The following TASOR2 variants were observed in gnomAD, a reference collection of about 807,000 sequenced individuals.
TASOR2 encodes the protein transcription activation suppressor family member 2, also known as protein TASOR 2.
TASOR2 carries 84 observed loss-of-function variants against 199.5 expected under a neutral mutation model. The ratio of observed to expected loss-of-function variants is 0.42; its 90% confidence interval spans 0.35 to 0.50. The LOEUF is 0.50. Among genes scored for constraint, TASOR2 ranks in the 20% least tolerant of loss-of-function variants. The pLI is 0.02. For synonymous variants in TASOR2, 1,103 were observed against 1,046.6 expected (o/e 1.05, Z -1.04); for missense variants, 2,796 against 2,835.9 (o/e 0.99, Z 0.32).
At chr10:5,746,525 T>G (rs1398489730) in exon 15 of TASOR2, 3 of 1,613,936 alleles carry the variant, frequency 1.9e-6, no homozygotes, top group Non-Finnish European at 2.5e-6. Context: ...CACCCTTCCT[T>G]GGAAAGAAAG....
exon 15 of TASOR2, chr10:5,747,325 G>C (rs1837356859): frequency 6.2e-7 from 1 of 1,614,110 alleles, no homozygotes; most frequent in Non-Finnish European, 8.5e-7. Context: ...GCCAGCTGGT[G>C]AAATAGAGCA....
In TASOR2 at chr10:5,737,743, C is replaced by A. The variant is rs1835831912; in HGVS notation, c.1448-1875C>A. 6.6e-6 allele frequency among the ~76,000 whole-genome samples: 1 copy of A among 152,158 alleles called. No individual in the cohort carries two copies. The highest frequency in any genetic ancestry group is 2.4e-5 in the African/African-American group (1 of 41,432). ...TTGTAAACATGAGAATAGGTAACAT[C>A]TTGTGTTCCTAGCAGTGTCATTTGC... is the stretch of plus-strand genomic sequence containing the variant. On this transcript the variant is annotated intron_variant, in intron 12 of 20. Coordinates refer to ENST00000328090, the Ensembl canonical transcript of TASOR2. The surrounding 1 kb of genome is among the most constrained non-coding windows in gnomAD (Gnocchi z 4.9).
intron 1 of TASOR2, among the ~76,000 whole-genome samples, chr10:5,704,580 TA>T (rs2131529254): frequency 6.6e-6 from 1 of 152,284 alleles, no homozygotes; most frequent in African/African-American, 2.4e-5. Context: ...TTTTTTCAGC[TA>T]TTTTTTCTTC....
At chr10:5,757,775 A>C (rs567117032) in intron 17 of TASOR2, 102 bp downstream of exon 18, 2 of 1,287,792 alleles carry the variant, frequency 1.6e-6, no homozygotes, top group African/African-American at 1.5e-5. Flanking sequence ...AACTCTAAGG[A>C]ATATCAGTTG....
rs11816374 is a variant in TASOR2 at position 5,698,483 on chromosome 10, C to T, written c.-288+13308C>T. Among the ~76,000 whole-genome samples, 9 of 152,074 alleles carry T rather than the reference C, an allele frequency of 5.9e-5. No homozygotes were observed. Among genetic ancestry groups the T allele is most frequent in the African/African-American group, 1.7e-4 (7 of 41,396 alleles). On this transcript the variant is annotated intron_variant, in intron 1 of 20. Transcript: ENST00000328090. This position sits in a 1 kb window ranked among gnomAD's most constrained non-coding sequence, Gnocchi z 4.4. Reference sequence around the variant, plus strand: ...GAGAAAAACCACAATTTTCTACAGACGATATTTTTCAAAACAATATTAGCA... The same window carrying T: ...GAGAAAAACCACAATTTTCTACAGATGATATTTTTCAAAACAATATTAGCA...
intron 11 of TASOR2, among the ~76,000 whole-genome samples, chr10:5,732,961 G>C (rs1206433096): frequency 6.6e-6 from 1 of 152,118 alleles, no homozygotes; most frequent in Non-Finnish European, 1.5e-5. Context: ...CAGTGCACCA[G>C]ACTATACAAC....
Position 5,748,880 on chromosome 10 carries a change from C to G in TASOR2, c.5459C>G (p.Ser1820Cys), listed in dbSNP as rs1837587935. 1 of 1,614,010 alleles carries G rather than the reference C, an allele frequency of 6.2e-7. No homozygotes were observed. Among genetic ancestry groups the G allele is most frequent in the South Asian group, 1.1e-5 (1 of 91,080 alleles). The stretch of plus-strand genomic sequence containing the variant: ...AGAGATGGAGAGGTCGGTGTGAATT[C>G]CGACATGCACTATGAACTCTCTGGA... The change falls in exon 15 of 21, where the codon TCC (serine) becomes TGC (cysteine). Residue 1820 changes from serine to cysteine, a missense_variant. By Grantham distance (112) the Ser-to-Cys change is moderately radical. This residue lies in a region of TASOR2 where 1,941 missense variants were observed against 1,924.9 expected (regional missense o/e 1.01). Coordinates refer to ENST00000328090, the Ensembl canonical transcript of TASOR2. This position sits in a 1 kb window ranked among gnomAD's most constrained non-coding sequence, Gnocchi z 5.1.
At chr10:5,723,546 C>T in intron 6 of TASOR2, 131 bp from the exon 8 acceptor site, 1 of 477,108 alleles carries the variant, frequency 2.1e-6, no homozygotes, top group Admixed American at 3.6e-5. Context: ...ATTATTTAAC[C>T]TGGAGCTTAT....
chr10:5,761,593 G>C, intron 19 of TASOR2, 122 bp downstream of exon 20: 2 of 793,912 alleles, frequency 2.5e-6, no homozygotes, highest in South Asian at 3.4e-5. Context: ...ATGGATACCA[G>C]AATCACCCAA....
Position 5,720,969 on chromosome 10 carries a change from C to A in TASOR2, c.145C>A (p.Leu49Ile). 1 of 1,605,666 alleles carries A rather than the reference C, an allele frequency of 6.2e-7. No homozygotes were observed. The highest frequency in any genetic ancestry group is 8.5e-7 in the Non-Finnish European group (1 of 1,175,722). ...TTACGGTGCAATGATTCCAACACAGCTGTAAGTATTAAATGTTATGTCCTT... is the reference window on the plus strand; with the variant it reads ...TTACGGTGCAATGATTCCAACACAGATGTAAGTATTAAATGTTATGTCCTT... The change falls in exon 6 of 21, where the codon CTA becomes ATA. Residue 49 changes from leucine (L) to isoleucine (I), a missense_variant and splice_region_variant. Physicochemically the swap from Leu to Ile is conservative, Grantham distance 5 (BLOSUM62 2). This residue lies in a region of TASOR2 where 847 missense variants were observed against 887.4 expected (regional missense o/e 0.95). Coordinates refer to ENST00000328090, the Ensembl canonical transcript of TASOR2. This position sits in a 1 kb window ranked among gnomAD's most constrained non-coding sequence, Gnocchi z 5.3.
rs1351587331 is a variant in TASOR2, at chr10:5,748,595, G to A, written c.5174G>A (p.Gly1725Asp). ...TCCAACACCACATCTTCTCTAAAAG[G>A]TGAACGCAAAGCCATCCACACGCTG... The change falls in exon 15 of 21, where the codon GGT (glycine) becomes GAT (aspartate). Residue 1725 changes from glycine (G) to aspartate (D), a missense_variant. By Grantham distance (94) the Gly-to-Asp change is moderately conservative. Around this residue, in one of 3 missense-constraint regions of TASOR2, gnomAD observed 1,941 missense variants for 1,924.9 expected, o/e 1.01. Coordinates refer to ENST00000328090, the Ensembl canonical transcript of TASOR2. The surrounding 1 kb of genome is among the most constrained non-coding windows in gnomAD (Gnocchi z 5.1). 2.5e-6 allele frequency: 4 copies of A among 1,613,698 alleles called. No individual in the cohort carries two copies. Among genetic ancestry groups the A allele is most frequent in the Non-Finnish European group, 3.4e-6 (4 of 1,180,030 alleles).
chr10:5,762,774 GTT>G, intron 20 of TASOR2, 128 bp downstream of exon 21: 1 of 683,648 alleles, frequency 1.5e-6, no homozygotes, highest in East Asian at 2.8e-5. Context: ...AATTTAAAGT[GTT>G]TGTTTAGGGG....
In TASOR2 at chr10:5,755,573, C is replaced by CA. The variant is rs1027097071; in HGVS notation, c.6607-1030dup. On this transcript the variant is annotated intron_variant, in intron 15 of 20. Transcript: ENST00000328090. ...TGGGTGACAGAGTAAGACAACATCT[C>CA]AAAAAAAAAAGATCCAAGGGAAACA... 9.2e-4 allele frequency among the ~76,000 whole-genome samples: 131 copies of CA among 142,984 alleles called. 3 individuals are homozygous for CA. The East Asian group carries it at 0.014, about 15-fold the overall frequency. The allele number at this position is 142,984 out of a possible 152,430, so 93.8% of individuals were successfully genotyped here.
intron 1 of TASOR2, among the ~76,000 whole-genome samples, chr10:5,686,160 G>A (rs758894862): frequency 3.9e-5 from 6 of 152,178 alleles, no homozygotes; most frequent in Non-Finnish European, 5.9e-5. Flanking sequence ...AGCCAGGCCA[G>A]AAAAAGGGTG....
In TASOR2 at chr10:5,730,473, T is replaced by G; in HGVS notation, c.488-14T>G. The G allele has an allele frequency of 6.5e-7, 1 of 1,537,022 alleles. No individual in the cohort carries two copies. Among genetic ancestry groups the G allele is most frequent in the Non-Finnish European group, 8.8e-7 (1 of 1,139,650 alleles). The stretch of plus-strand genomic sequence containing the variant: ...ATAAACTTCAGATGTTTAATACGTG[T>G]GTATATATTCTAGGGGTGAAAGATT... On this transcript the variant is annotated splice_polypyrimidine_tract_variant and intron_variant, in intron 10 of 20. Transcript: ENST00000328090. The surrounding 1 kb of genome is among the most constrained non-coding windows in gnomAD (Gnocchi z 4.1).
At position 5,748,479 on chromosome 10, in the gene TASOR2, A is replaced by G. The variant is rs765048359; in HGVS notation, c.5058A>G (p.Pro1686=). 5 of 1,614,152 alleles carry G rather than the reference A, an allele frequency of 3.1e-6. No individual in the cohort carries two copies. Among genetic ancestry groups the G allele is most frequent in the East Asian group, 2.2e-5 (1 of 44,892 alleles). ...CAGTGTTTCAAGCACAGGAAATACC[A>G]GCAGGCAGAATGGCCAGTTTGCTTA... The change falls in exon 15 of 21, where the codon CCA becomes CCG. Residue 1686 remains proline, a synonymous_variant. Transcript: ENST00000328090. The surrounding 1 kb of genome is among the most constrained non-coding windows in gnomAD (Gnocchi z 5.1).
At chr10:5,688,395 A>ATTTTTTTTT (rs34362647) in intron 1 of TASOR2, among the ~76,000 whole-genome samples, 67 of 99,876 alleles carry the variant, frequency 6.7e-4, no homozygotes, top group Non-Finnish European at 8.6e-4. Context: ...CTAATTTTTA[A>ATTTTTTTTT]TTTTTTTTTT....
In TASOR2 at chr10:5,720,738, CTTTCTT is replaced by C. The variant is rs1833247241; in HGVS notation, c.27-11_27-6del. 1 of 1,612,398 alleles carries C rather than the reference CTTTCTT, an allele frequency of 6.2e-7. No homozygotes were observed. Among genetic ancestry groups the C allele is most frequent in the Non-Finnish European group, 8.5e-7 (1 of 1,179,544 alleles). ...TTACTCTTGTAAACATGTTCTTTTT[CTTTCTT>C]TTTCTGCTAGACTTGAACGCAGTGA... On this transcript the variant is annotated splice_polypyrimidine_tract_variant and intron_variant, in intron 4 of 20. Transcript: ENST00000328090. This position sits in a 1 kb window ranked among gnomAD's most constrained non-coding sequence, Gnocchi z 5.3.
rs200372391 is a variant in TASOR2 at position 5,737,543 on chromosome 10, C to CA, written c.1447+1998dup. ...CCCCTGCGGCCCTCTGTGCCTCCCC[C>CA]AGGCAACCTCTGCCCTTCAGGGGCC... is the stretch of plus-strand genomic sequence containing the variant. On this transcript the variant is annotated intron_variant, in intron 12 of 20. Coordinates refer to ENST00000328090, the Ensembl canonical transcript of TASOR2. The surrounding 1 kb of genome is among the most constrained non-coding windows in gnomAD (Gnocchi z 4.9). Among the ~76,000 whole-genome samples the CA allele has an allele frequency of 1.2e-3, 185 of 152,140 alleles. 3 individuals are homozygous for CA. The East Asian group carries it at 0.026, about 22-fold the overall frequency.
Sources: allele counts gnomAD v4.1 joint callset (sites outside exome capture counted in the v4.1 genomes callset), GRCh38; gene constraint gnomAD v4.1.1; regional missense constraint gnomAD v4.1.1; non-coding constraint Gnocchi (gnomAD v3.1); transcripts MANE v1.5; gene names NCBI Gene and HGNC (gene_info 2026-07-23, HGNC 2026-07-21).